GRM3: variants seen among roughly 807,000 people sequenced by gnomAD.
GRM3 encodes the protein metabotropic glutamate receptor 3.
A neutral mutation model predicts 70.5 loss-of-function variants in GRM3; 26 were observed. That is an observed-to-expected ratio of 0.37 (90% CI 0.27 to 0.51). The LOEUF (loss-of-function observed/expected upper bound fraction) is 0.51, where lower values mean the gene tolerates loss of function less well. Ranked by LOEUF, GRM3 falls within the 20% of genes least tolerant of loss-of-function variation. The pLI, the probability that GRM3 is intolerant of heterozygous loss-of-function variation, is 0.93. For missense variants in GRM3, 859 were observed against 1,123.8 expected, an observed-to-expected ratio of 0.76 and a Z score of 3.37; for synonymous variants, 443 against 434.9, an observed-to-expected ratio of 1.02 and a Z score of -0.23.
rs1378138882 is a variant in GRM3 at position 86,839,082 on chromosome 7, C to T, written c.1568C>T (p.Pro523Leu). 1 of 1,613,992 alleles carries T rather than the reference C, an allele frequency of 6.2e-7. No homozygotes were observed. The highest frequency in any genetic ancestry group is 2.2e-5 in the East Asian group (1 of 44,872). Residue 523 changes from proline to leucine, a missense_variant, in exon 4 of 6, where the codon CCA becomes CTA. Physicochemically the swap from Pro to Leu is moderately conservative, Grantham distance 98. Transcript: ENST00000361669. This position sits in a 1 kb window ranked among gnomAD's most constrained non-coding sequence, Gnocchi z 4.5. ...CCCAATGAAATGAAGAATATGCAAC[C>T]AGGGGATGTCTGCTGCTGGATTTGC... ...CAPNEMKNMQ[P>L]GDVCCWICIP...
intron 1 of GRM3, among the ~76,000 whole-genome samples, chr7:86,648,791 C>G (rs1793540071): frequency 6.6e-6 from 1 of 151,990 alleles, no homozygotes. Flanking sequence ...TCCAAGACAT[C>G]CGTGTGTAGG....
chr7:86,787,373 C>G (rs1179229953), intron 3 of GRM3, among the ~76,000 whole-genome samples: 1 of 152,142 alleles, frequency 6.6e-6, no homozygotes, highest in Non-Finnish European at 1.5e-5. Context: ...GTGGTAGCTC[C>G]CTAGATTAGG....
intron 3 of GRM3, among the ~76,000 whole-genome samples, chr7:86,795,405 A>G (rs1339045416): frequency 1.3e-5 from 2 of 151,844 alleles, no homozygotes; most frequent in Admixed American, 1.3e-4. Context: ...TCAACGCATC[A>G]TCTAGGTATT....
intron 3 of GRM3, among the ~76,000 whole-genome samples, chr7:86,788,673 A>T (rs1797330726): frequency 6.6e-6 from 1 of 152,194 alleles, no homozygotes; most frequent in Admixed American, 6.5e-5. Context: ...TGGAGTCAGT[A>T]AAAAAAGAAT....
intron 1 of GRM3, among the ~76,000 whole-genome samples, chr7:86,720,206 A>G (rs1459656581): frequency 2.6e-5 from 4 of 152,006 alleles, no homozygotes; most frequent in African/African-American, 9.7e-5. Context: ...AATGTGAGGG[A>G]TAAAGAAAAA....
At chr7:86,755,171 G>A (rs572834129) in intron 1 of GRM3, among the ~76,000 whole-genome samples, 7 of 151,582 alleles carry the variant, frequency 4.6e-5, no homozygotes, top group South Asian at 2.1e-4. Context: ...ATTGGTTCCC[G>A]AAGGAAAACT....
chr7:86,654,725 C>T (rs1028180294), intron 1 of GRM3, among the ~76,000 whole-genome samples: 1 of 152,236 alleles, frequency 6.6e-6, no homozygotes, highest in South Asian at 2.1e-4. Flanking sequence ...AGGTTATCAT[C>T]ACTGTCCTCT....
chr7:86,793,873 A>G (rs1006362848), intron 3 of GRM3, among the ~76,000 whole-genome samples: 2 of 152,100 alleles, frequency 1.3e-5, no homozygotes, highest in Non-Finnish European at 2.9e-5. Flanking sequence ...TGAGTCATTT[A>G]TACATCCTGT....
chr7:86,676,496 T>C (rs1343556217), intron 1 of GRM3, among the ~76,000 whole-genome samples: 1 of 151,980 alleles, frequency 6.6e-6, no homozygotes, highest in African/African-American at 2.4e-5. Context: ...ATAAAACTAA[T>C]AGACATAATA....
intron 1 of GRM3, among the ~76,000 whole-genome samples, chr7:86,679,848 G>A (rs1332897389): frequency 6.6e-6 from 1 of 151,946 alleles, no homozygotes; most frequent in Admixed American, 6.6e-5. Flanking sequence ...AGGATACCCA[G>A]TACAGAAAAA....
rs1428168214 is a variant in GRM3 at position 86,772,743 on chromosome 7, A to C, written c.468+7130A>C. 4.6e-5 allele frequency among the ~76,000 whole-genome samples: 7 copies of C among 152,284 alleles called. No individual in the cohort carries two copies. The East Asian group carries it at 1.4e-3, about 29-fold the overall frequency. On this transcript the variant is annotated intron_variant, in intron 2 of 5. Coordinates refer to ENST00000361669, the MANE Select transcript of GRM3 (RefSeq NM_000840.3). ...CTACCCTCAAGAAAAGCAGAGTGACAGGATTAGAAATCCATTCACTACTCT... is the reference window on the plus strand; with the variant it reads ...CTACCCTCAAGAAAAGCAGAGTGACCGGATTAGAAATCCATTCACTACTCT...
At chr7:86,667,784 A>G (rs986191389) in intron 1 of GRM3, among the ~76,000 whole-genome samples, 1 of 152,176 alleles carries the variant, frequency 6.6e-6, no homozygotes, top group Non-Finnish European at 1.5e-5. Context: ...ACTCTTGAGA[A>G]ATGCTGGCTG....
At chr7:86,699,268 G>C (rs570578209) in intron 1 of GRM3, among the ~76,000 whole-genome samples, 1 of 152,020 alleles carries the variant, frequency 6.6e-6, no homozygotes, top group East Asian at 1.9e-4. Context: ...AGCTTATGTA[G>C]GAAATTAGAA....
chr7:86,778,728 A>G lies in GRM3; in HGVS notation c.469-7533A>G, dbSNP rs116495980. Among the ~76,000 whole-genome samples, 427 of 152,332 alleles carry G rather than the reference A, an allele frequency of 2.8e-3. 4 individuals are homozygous for G. Among genetic ancestry groups the G allele is most frequent in the African/African-American group, 9.9e-3 (412 of 41,576 alleles). ...ACATGTGATAAATCAACACACAGAA[A>G]TAGAAGAAAACTATGTCAGTGTAAT... On this transcript the variant is annotated intron_variant, in intron 2 of 5. Coordinates refer to ENST00000361669, the MANE Select transcript of GRM3 (RefSeq NM_000840.3).
intron 1 of GRM3, among the ~76,000 whole-genome samples, chr7:86,652,824 G>A (rs916161612): frequency 1.3e-5 from 2 of 152,152 alleles, no homozygotes; most frequent in Non-Finnish European, 2.9e-5. Context: ...ATTGCCCAGA[G>A]AGCCTGCATT....
chr7:86,719,204 C>T (rs1025295578), intron 1 of GRM3, among the ~76,000 whole-genome samples: 2 of 151,846 alleles, frequency 1.3e-5, no homozygotes, highest in Admixed American at 1.3e-4. Flanking sequence ...AACTGAATTC[C>T]AGAAAGAGAG....
intron 1 of GRM3, among the ~76,000 whole-genome samples, chr7:86,721,277 G>A (rs1033315224): frequency 1.3e-4 from 20 of 151,952 alleles, no homozygotes; most frequent in African/African-American, 4.1e-4. Flanking sequence ...CAGCCCTCAC[G>A]CTGGTTTGTT....
intron 1 of GRM3, among the ~76,000 whole-genome samples, chr7:86,742,453 T>C (rs981358147): frequency 5.3e-5 from 8 of 152,104 alleles, no homozygotes; most frequent in Non-Finnish European, 1.2e-4. Context: ...TACAACCACT[T>C]CTCTTGAAGA....
chr7:86,770,334 G>T (rs1796707015), intron 2 of GRM3, among the ~76,000 whole-genome samples: 1 of 152,034 alleles, frequency 6.6e-6, no homozygotes, highest in South Asian at 2.1e-4. Context: ...AGCCTTGAAA[G>T]GACCTTCCTA....
Sources: gnomAD v4.1 joint callset for allele counts (sites outside exome capture counted in the v4.1 genomes callset) on GRCh38, gnomAD v4.1.1 for gene constraint, Gnocchi (gnomAD v3.1) non-coding constraint, MANE v1.5 for transcripts, NCBI Gene and HGNC (gene_info 2026-07-23, HGNC 2026-07-21) for gene names.